The following RFC3 variants were observed in gnomAD, a reference collection of about 807,000 sequenced individuals.
RFC3 encodes A1 38 kDa subunit.
A neutral mutation model predicts 45.1 loss-of-function variants in RFC3; 41 were observed. The observed-to-expected ratio is 0.91, with a 90% CI of 0.71 to 1.18. The LOEUF (loss-of-function observed/expected upper bound fraction) is 1.18, where lower values mean the gene tolerates loss of function less well. RFC3 is among the 50% of genes most tolerant of loss of function. The probability of loss-of-function intolerance (pLI) is 0.00; values close to 1 mark genes in which losing one functional copy is unlikely to be tolerated. For missense variants in RFC3, 423 were observed against 428.1 expected, an observed-to-expected ratio of 0.99 and a Z score of 0.10; for synonymous variants, 149 against 144.0, an observed-to-expected ratio of 1.03 and a Z score of -0.25.
chr13:33,908,574 A>C (rs144171972), intron 8 of RFC3, among the ~76,000 whole-genome samples: 1 of 149,030 alleles, frequency 6.7e-6, no homozygotes, highest in African/African-American at 2.5e-5. Context: ...TGTATTGGTC[A>C]GGGTTCGCCA....
chr13:33,962,244 G>A (rs2083061852), intron 8 of RFC3, among the ~76,000 whole-genome samples: 1 of 152,166 alleles, frequency 6.6e-6, no homozygotes, highest in Admixed American at 6.5e-5. Context: ...GATATGTAAA[G>A]GAAGATTTGA....
chr13:33,829,595 G>A, intron 4 of RFC3: 1 of 504,382 alleles, frequency 2.0e-6, no homozygotes, highest in Non-Finnish European at 3.5e-6. Flanking sequence ...CCTCTCTATA[G>A]AAGTCTTTAG....
At chr13:33,927,920 A>G (rs541606202) in intron 8 of RFC3, among the ~76,000 whole-genome samples, 2 of 152,070 alleles carry the variant, frequency 1.3e-5, no homozygotes, top group African/African-American at 4.8e-5. Context: ...AGCTCTAGGG[A>G]CTTAATTCAG....
At chr13:33,883,326 A>C (rs996721963) in intron 8 of RFC3, among the ~76,000 whole-genome samples, 2 of 152,196 alleles carry the variant, frequency 1.3e-5, no homozygotes, top group African/African-American at 4.8e-5. Flanking sequence ...TTAAAATTGC[A>C]TAATTTTTGT....
At chr13:33,872,289 A>C (rs1315303984) in intron 8 of RFC3, among the ~76,000 whole-genome samples, 1 of 152,262 alleles carries the variant, frequency 6.6e-6, no homozygotes, top group Non-Finnish European at 1.5e-5. Flanking sequence ...TGGAGAGTTC[A>C]GACACGTCTG....
At chr13:33,859,447 A>T (rs1416880218) in intron 8 of RFC3, among the ~76,000 whole-genome samples, 2 of 152,238 alleles carry the variant, frequency 1.3e-5, no homozygotes, top group African/African-American at 2.4e-5. Context: ...GAAGGATTGT[A>T]AATAATATCA....
At chr13:33,956,640 C>G (rs1324675717) in intron 8 of RFC3, among the ~76,000 whole-genome samples, 1 of 152,110 alleles carries the variant, frequency 6.6e-6, no homozygotes, top group African/African-American at 2.4e-5. Flanking sequence ...GTATCAAGAA[C>G]ACATAAAGAA....
intron 8 of RFC3, chr13:33,849,640 G>C (rs945498196): frequency 2.0e-5 from 3 of 152,068 alleles, no homozygotes; most frequent in African/African-American, 7.2e-5. Context: ...CCCAAAGGAG[G>C]CCGAGGCTGG....
At chr13:33,913,915 C>A (rs1377052672) in intron 8 of RFC3, among the ~76,000 whole-genome samples, 1 of 152,078 alleles carries the variant, frequency 6.6e-6, no homozygotes, top group Non-Finnish European at 1.5e-5. Context: ...TCATTATTTT[C>A]TTGCTTTAAA....
intron 7 of RFC3, among the ~76,000 whole-genome samples, chr13:33,833,131 A>G (rs2082119394): frequency 6.6e-6 from 1 of 152,172 alleles, no homozygotes; most frequent in Non-Finnish European, 1.5e-5. Flanking sequence ...AAATCCTGGA[A>G]GTCTGGTATC....
intron 8 of RFC3, among the ~76,000 whole-genome samples, chr13:33,905,593 A>G (rs2082667601): frequency 6.6e-6 from 1 of 152,060 alleles, no homozygotes; most frequent in Admixed American, 6.6e-5. Context: ...TTCAGGGCTG[A>G]AGCAGTTTTC....
intron 1 of RFC3, among the ~76,000 whole-genome samples, chr13:33,820,134 C>A (rs1341330299): frequency 6.6e-6 from 1 of 152,210 alleles, no homozygotes; most frequent in South Asian, 2.1e-4. Flanking sequence ...ACCCACTCAT[C>A]TTTATAGCCT....
exon 9 of RFC3, chr13:33,966,360 C>G: frequency 1.7e-6 from 1 of 584,936 alleles, no homozygotes; most frequent in South Asian, 2.1e-5. Flanking sequence ...TCAAAACACT[C>G]ATCTCCTCTG....
chr13:33,962,352 A>G (rs2083062468), intron 8 of RFC3, among the ~76,000 whole-genome samples: 1 of 152,164 alleles, frequency 6.6e-6, no homozygotes, highest in South Asian at 2.1e-4. Context: ...CTTCAGCAGA[A>G]GCTTTCCCCC....
At chr13:33,826,913 G>T (rs2082054896) in intron 4 of RFC3, among the ~76,000 whole-genome samples, 1 of 152,124 alleles carries the variant, frequency 6.6e-6, no homozygotes, top group South Asian at 2.1e-4. Context: ...TGGAAGTAAA[G>T]CCTTAGTGTT....
chr13:33,891,088 C>T (rs532680797), intron 8 of RFC3, among the ~76,000 whole-genome samples: 43 of 152,204 alleles, frequency 2.8e-4, no homozygotes, highest in African/African-American at 9.6e-4. Flanking sequence ...TAGGTCATCA[C>T]TACTTAAAAT....
chr13:33,896,567 T>G (rs2082600127), intron 8 of RFC3, among the ~76,000 whole-genome samples: 1 of 151,480 alleles, frequency 6.6e-6, no homozygotes, highest in Non-Finnish European at 1.5e-5. Context: ...CTGCTAAAAA[T>G]ACAAAAAGTA....
chr13:33,966,078 C>G (rs190431797), intron 8 of RFC3: 1 of 1,596,222 alleles, frequency 6.3e-7, no homozygotes, highest in African/African-American at 1.3e-5. Context: ...TAGTGAATAT[C>G]TCTTACAGGC....
the RFC3 span, among the ~76,000 whole-genome samples, chr13:33,974,631 A>G: frequency 1.3e-5 from 2 of 152,248 alleles, no homozygotes; most frequent in African/African-American, 2.4e-5. Context: ...AGAATATGCA[A>G]TGTCAATTAG....
Sources: gnomAD v4.1 joint callset for allele counts (sites outside exome capture counted in the v4.1 genomes callset) on GRCh38, gnomAD v4.1.1 for gene constraint, MANE v1.5 for transcripts, NCBI Gene and HGNC (gene_info 2026-07-23, HGNC 2026-07-21) for gene names.